The following NTRK2 variants were observed in gnomAD, a reference collection of about 807,000 sequenced individuals.
The protein encoded by NTRK2 is neurotrophic receptor tyrosine kinase 2.
In NTRK2, 13 loss-of-function variants were observed where a neutral mutation model predicts 94.5. That is an observed-to-expected ratio of 0.14 (90% CI 0.09 to 0.22). NTRK2 has a LOEUF of 0.22. Ranked by LOEUF, NTRK2 falls within the 10% of genes least tolerant of loss-of-function variation. NTRK2 has a pLI of 1.00. For synonymous variants in NTRK2, 372 were observed against 407.4 expected (o/e 0.91, Z 1.05); for missense variants, 639 against 1,071.2 (o/e 0.60, Z 5.63).
chr9:84,751,307 C>G (rs991712484), intron 11 of NTRK2, among the ~76,000 whole-genome samples: 3 of 152,300 alleles, frequency 2.0e-5, no homozygotes, highest in East Asian at 3.9e-4. Context: ...GGGCTGGATG[C>G]GGTGGCTCAT....
chr9:84,871,151 T>C (rs1158822175), intron 14 of NTRK2, among the ~76,000 whole-genome samples: 3 of 152,158 alleles, frequency 2.0e-5, no homozygotes, highest in Admixed American at 6.5e-5. Flanking sequence ...TAATGCAATG[T>C]GATAGACATT....
intron 11 of NTRK2, among the ~76,000 whole-genome samples, chr9:84,748,788 C>G (rs1007770342): frequency 6.6e-6 from 1 of 152,216 alleles, no homozygotes; most frequent in African/African-American, 2.4e-5. Context: ...ACTATGATCT[C>G]TTTCCCATGA....
At chr9:84,901,671 C>T (rs543067835) in intron 14 of NTRK2, among the ~76,000 whole-genome samples, 3 of 152,178 alleles carry the variant, frequency 2.0e-5, no homozygotes, top group Admixed American at 2.0e-4. Flanking sequence ...CCCTCTTTTT[C>T]CAAAATACTG....
chr9:84,728,220 TGTGA>T (rs2062598540), intron 9 of NTRK2, among the ~76,000 whole-genome samples: 1 of 152,118 alleles, frequency 6.6e-6, no homozygotes, highest in Non-Finnish European at 1.5e-5. Flanking sequence ...ACTGCAACGA[TGTGA>T]GGCTTCCTAA....
intron 17 of NTRK2, among the ~76,000 whole-genome samples, chr9:84,981,069 C>A (rs1827537843): frequency 6.6e-6 from 1 of 152,116 alleles, no homozygotes; most frequent in South Asian, 2.1e-4. Flanking sequence ...CTGCTTTTTG[C>A]TTTCAACATT....
At chr9:84,687,975 C>A (rs1485075737) in intron 2 of NTRK2, among the ~76,000 whole-genome samples, 1 of 152,192 alleles carries the variant, frequency 6.6e-6, no homozygotes, top group African/African-American at 2.4e-5. Context: ...CTATCAACAC[C>A]ACCATAGACA....
intron 14 of NTRK2, among the ~76,000 whole-genome samples, chr9:84,870,891 G>A (rs903443294): frequency 3.3e-5 from 5 of 152,100 alleles, no homozygotes; most frequent in Non-Finnish European, 5.9e-5. Flanking sequence ...GTTGACTTTA[G>A]AATATACATA....
chr9:84,880,826 A>G (rs1413362411), intron 14 of NTRK2, among the ~76,000 whole-genome samples: 2 of 152,204 alleles, frequency 1.3e-5, no homozygotes, highest in African/African-American at 4.8e-5. Flanking sequence ...ATGAATAATT[A>G]TTTTCTGACT....
rs1832663623 is a variant in NTRK2, at chr9:85,020,198, C to T, written c.2173-8C>T. The T allele has an allele frequency of 1.2e-6, 2 of 1,613,952 alleles. No individual in the cohort carries two copies. On this transcript the variant is annotated splice_region_variant and splice_polypyrimidine_tract_variant and intron_variant, in intron 17 of 18. Coordinates refer to ENST00000277120, the MANE Select transcript of NTRK2 (RefSeq NM_006180.6). The stretch of plus-strand genomic sequence containing the variant: ...CTGATGCCTCCCTGTTGATCCCTTT[C>T]TCCCCAGGTCGGTGGCCACACAATG...
At chr9:84,750,624 C>A (rs2064503548) in intron 11 of NTRK2, among the ~76,000 whole-genome samples, 1 of 152,184 alleles carries the variant, frequency 6.6e-6, no homozygotes, top group Non-Finnish European at 1.5e-5. Context: ...GTTTACATAT[C>A]ATCATTGGCT....
At chr9:84,861,342 C>T (rs764604882) in intron 13 of NTRK2, among the ~76,000 whole-genome samples, 4 of 152,060 alleles carry the variant, frequency 2.6e-5, no homozygotes, top group African/African-American at 9.7e-5. Flanking sequence ...AACTGTCGTT[C>T]CAGTTCTAGT....
At chr9:85,000,431 G>A (rs1455426296) in intron 17 of NTRK2, among the ~76,000 whole-genome samples, 1 of 152,034 alleles carries the variant, frequency 6.6e-6, no homozygotes, top group African/African-American at 2.4e-5. Flanking sequence ...GGAAACCACT[G>A]ATCTTTTTTT....
chr9:84,964,597 G>A lies in NTRK2; in HGVS notation c.2172+9080G>A, dbSNP rs377158706. Among the ~76,000 whole-genome samples the A allele has an allele frequency of 8.5e-5, 13 of 152,192 alleles. No individual in the cohort carries two copies. In the East Asian group the frequency reaches 1.9e-3, roughly 23 times the overall value. On this transcript the variant is annotated intron_variant, in intron 17 of 18. Coordinates refer to ENST00000277120, the MANE Select transcript of NTRK2 (RefSeq NM_006180.6). Reference sequence around the variant, plus strand: ...TTCTCTGGTATTCTGTCCTTTCAACGCTAGCCACTTTGATCTCCCCAGACT... The same window carrying A: ...TTCTCTGGTATTCTGTCCTTTCAACACTAGCCACTTTGATCTCCCCAGACT...
chr9:84,713,222 G>A (rs1007029071), intron 6 of NTRK2, among the ~76,000 whole-genome samples: 3 of 151,934 alleles, frequency 2.0e-5, no homozygotes, highest in Admixed American at 1.3e-4. Flanking sequence ...TATATCCTTT[G>A]TCTATTTTTC....
chr9:84,675,667 G>A (rs2059007048), intron 2 of NTRK2, among the ~76,000 whole-genome samples: 2 of 152,122 alleles, frequency 1.3e-5, no homozygotes, highest in South Asian at 2.1e-4. Flanking sequence ...GAGAGAGAGA[G>A]AGAAAGATAG....
Position 85,021,550 on chromosome 9 carries a change from G to A in NTRK2, c.*113G>A, listed in dbSNP as rs1285621507. On this transcript the variant is annotated 3_prime_UTR_variant, in exon 19 of 19. Transcript: ENST00000277120. Reference sequence around the variant, plus strand: ...CAAGCTGCTCTCCTTCACTCTGACAGTATTAACATCAAAGACTCCGAGAAG... The same window carrying A: ...CAAGCTGCTCTCCTTCACTCTGACAATATTAACATCAAAGACTCCGAGAAG... 9.6e-7 allele frequency: 1 copy of A among 1,037,446 alleles called. No homozygotes were observed. The highest frequency in any genetic ancestry group is 2.4e-5 in the East Asian group (1 of 42,156). The allele number at this position is 1,037,446 out of a possible 1,614,324, so 64.3% of individuals were successfully genotyped here. A position where few individuals can be genotyped will look rare whatever the true frequency, so the allele number is the denominator to read the frequency against.
chr9:84,695,746 A>T (rs2060337407), intron 2 of NTRK2, among the ~76,000 whole-genome samples: 1 of 152,166 alleles, frequency 6.6e-6, no homozygotes, highest in Non-Finnish European at 1.5e-5. Flanking sequence ...AATTATTTAA[A>T]TATATATAAA....
intron 12 of NTRK2, among the ~76,000 whole-genome samples, chr9:84,762,348 T>C (rs1029605477): frequency 6.6e-6 from 1 of 152,230 alleles, no homozygotes; most frequent in Non-Finnish European, 1.5e-5. Flanking sequence ...TTTCTTGATC[T>C]TTTAAGTCAG....
intron 4 of NTRK2, among the ~76,000 whole-genome samples, chr9:84,702,837 T>C (rs890314955): frequency 1.3e-5 from 2 of 152,178 alleles, no homozygotes; most frequent in African/African-American, 4.8e-5. Context: ...GCTTTTCCCC[T>C]CACAATAGGA....
Sources: gnomAD v4.1 joint callset for allele counts (sites outside exome capture counted in the v4.1 genomes callset) on GRCh38, gnomAD v4.1.1 for gene constraint, MANE v1.5 for transcripts, NCBI Gene and HGNC (gene_info 2026-07-23, HGNC 2026-07-21) for gene names.